The following MTOR variants were observed in gnomAD, a reference collection of about 807,000 sequenced individuals.
The protein encoded by MTOR is mechanistic target of rapamycin kinase, also known as serine/threonine-protein kinase mTOR.
In MTOR, 70 loss-of-function variants were observed where a neutral mutation model predicts 319.8. That is an observed-to-expected ratio of 0.22 (90% CI 0.18 to 0.27). The LOEUF is 0.27. Ranked by LOEUF, MTOR falls within the 10% of genes least tolerant of loss-of-function variation. MTOR has a pLI of 1.00. For missense variants in MTOR, 1,890 were observed against 3,274.4 expected, an observed-to-expected ratio of 0.58 and a Z score of 10.32; for synonymous variants, 1,183 against 1,211.4, an observed-to-expected ratio of 0.98 and a Z score of 0.49.
intron 1 of MTOR, among the ~76,000 whole-genome samples, chr1:11,262,197 T>C (rs1175894845): frequency 2.0e-5 from 3 of 152,066 alleles, no homozygotes; most frequent in East Asian, 1.9e-4. Flanking sequence ...CCAGAGCTGA[T>C]GGGCCGGCCT....
Position 11,155,632 on chromosome 1 carries a change from G to T in MTOR, c.4469+1520C>A, listed in dbSNP as rs185495926. On this transcript the variant is annotated intron_variant, in intron 30 of 57. Coordinates refer to ENST00000361445, the MANE Select transcript of MTOR (RefSeq NM_004958.4). The stretch of plus-strand genomic sequence containing the variant: ...AAGGCCTACTAAAATCCCCCATACT[G>T]TGCTCCTCATTGTACAGGTCCAAGT... Among the ~76,000 whole-genome samples the T allele has an allele frequency of 3.9e-5, 6 of 152,264 alleles. No homozygotes were observed. The East Asian group carries it at 9.6e-4, about 24-fold the overall frequency.
intron 19 of MTOR, among the ~76,000 whole-genome samples, chr1:11,227,611 T>G (rs555554427): frequency 6.6e-6 from 1 of 151,980 alleles, no homozygotes; most frequent in African/African-American, 2.4e-5. Context: ...GGACATATAA[T>G]CTTAGAACCA....
intron 29 of MTOR, among the ~76,000 whole-genome samples, chr1:11,159,637 G>A (rs1446219968): frequency 1.4e-5 from 2 of 145,856 alleles, no homozygotes; most frequent in South Asian, 2.3e-4. Context: ...GCAAAACTCC[G>A]TCTCAAAAAA....
intron 28 of MTOR, among the ~76,000 whole-genome samples, chr1:11,179,106 C>T (rs1021118906): frequency 6.6e-6 from 1 of 152,204 alleles, no homozygotes; most frequent in African/African-American, 2.4e-5. Context: ...TACCAGGATT[C>T]ACAGCCAGTG....
At chr1:11,126,597 G>C (rs765033075) in intron 46 of MTOR, 25 bp downstream of exon 46, 11 of 1,609,668 alleles carry the variant, frequency 6.8e-6, no homozygotes, top group Non-Finnish European at 9.3e-6. Flanking sequence ...AGAAGTGGGT[G>C]ACAGAAGTGC....
intron 30 of MTOR, among the ~76,000 whole-genome samples, 177 bp from the exon 31 acceptor site, chr1:11,150,403 C>G (rs1246639854): frequency 6.6e-6 from 1 of 152,134 alleles, no homozygotes; most frequent in Non-Finnish European, 1.5e-5. Context: ...GTTTCTATGA[C>G]CCGGTGCTCG....
rs184939544 is a variant in MTOR, at chr1:11,208,712, T to C, written c.3801+600A>G. Among the ~76,000 whole-genome samples the C allele has an allele frequency of 2.3e-3, 351 of 152,370 alleles. 3 individuals are homozygous for C. Among genetic ancestry groups the C allele is most frequent in the Non-Finnish European group, 3.8e-3 (261 of 68,038 alleles). ...TTGAAACTGCCTGTTTTTAGGTGGA[T>C]AGCTGATGGCATACATGGTGAAAAG... On this transcript the variant is annotated intron_variant, in intron 25 of 57. Transcript: ENST00000361445.
At chr1:11,192,930 C>T (rs750002254) in intron 28 of MTOR, among the ~76,000 whole-genome samples, 8 of 152,056 alleles carry the variant, frequency 5.3e-5, no homozygotes, top group Non-Finnish European at 7.4e-5. Flanking sequence ...TTATAACCAC[C>T]ACATAACTTA....
intron 39 of MTOR, 124 bp downstream of exon 39, chr1:11,130,405 A>G (rs1414505020): frequency 8.9e-6 from 13 of 1,457,810 alleles, no homozygotes; most frequent in Non-Finnish European, 1.8e-6. Context: ...GATAGGCAGT[A>G]TTTTCCAGCT....
Position 11,115,938 on chromosome 1 carries a change from C to T in MTOR, c.7017-470G>A, listed in dbSNP as rs1642142135. On this transcript the variant is annotated intron_variant, in intron 50 of 57. Transcript: ENST00000361445. The surrounding 1 kb of genome is among the most constrained non-coding windows in gnomAD (Gnocchi z 4.5). ...TTACTGAGCAGCCGTAACAGGGTCTCATCTCCTTAAGTCCCTGAGCCAATC... is the reference window on the plus strand; with the variant it reads ...TTACTGAGCAGCCGTAACAGGGTCTTATCTCCTTAAGTCCCTGAGCCAATC... 6.6e-6 allele frequency among the ~76,000 whole-genome samples: 1 copy of T among 152,230 alleles called. No individual in the cohort carries two copies. The highest frequency in any genetic ancestry group is 2.4e-5 in the African/African-American group (1 of 41,466).
intron 28 of MTOR, chr1:11,190,083 C>T: frequency 9.0e-7 from 1 of 1,109,766 alleles, no homozygotes; most frequent in African/African-American, 1.6e-5. Context: ...TTAGTAAAGG[C>T]TTATGCAGTA....
intron 34 of MTOR, 54 bp downstream of exon 34, chr1:11,144,594 G>T: frequency 6.6e-7 from 1 of 1,524,518 alleles, no homozygotes; most frequent in South Asian, 1.1e-5. Flanking sequence ...ACTCACCCAG[G>T]TCCTGGAAGG....
chr1:11,218,636 T>C (rs1226677974), intron 19 of MTOR, among the ~76,000 whole-genome samples: 1 of 152,080 alleles, frequency 6.6e-6, no homozygotes, highest in Non-Finnish European at 1.5e-5. Flanking sequence ...GCCATTTTAT[T>C]AGGCATGATT....
In MTOR at chr1:11,213,582, A is replaced by G; in HGVS notation, c.3118-16T>C. 1.2e-6 allele frequency: 2 copies of G among 1,611,652 alleles called. No homozygotes were observed. Among genetic ancestry groups the G allele is most frequent in the Non-Finnish European group, 1.7e-6 (2 of 1,178,784 alleles). ...CCCAGAATTCCTACAAAGAGAGAAAAGTCAGAGGAGCTGAGTCAGGTCCCT... is the reference window on the plus strand; with the variant it reads ...CCCAGAATTCCTACAAAGAGAGAAAGGTCAGAGGAGCTGAGTCAGGTCCCT... On this transcript the variant is annotated splice_polypyrimidine_tract_variant and intron_variant, in intron 20 of 57. Transcript: ENST00000361445.
intron 28 of MTOR, among the ~76,000 whole-genome samples, chr1:11,172,192 C>T (rs1022273048): frequency 2.7e-5 from 4 of 150,810 alleles, no homozygotes; most frequent in African/African-American, 9.9e-5. Flanking sequence ...TACCAGTGGC[C>T]ATTAAACTTG....
intron 28 of MTOR, among the ~76,000 whole-genome samples, chr1:11,190,539 T>C (rs1019538469): frequency 1.2e-4 from 19 of 152,316 alleles, no homozygotes; most frequent in African/African-American, 3.4e-4. Flanking sequence ...GGTTCCTCAA[T>C]TGTGATACGT....
intron 57 of MTOR, 107 bp downstream of exon 57, chr1:11,108,074 C>T (rs1641663785): frequency 1.3e-6 from 1 of 788,172 alleles, no homozygotes; most frequent in Non-Finnish European, 2.2e-6. Context: ...CTCTAACTGC[C>T]CTTTACAGAT....
At chr1:11,247,241 C>G (rs1648971940) in intron 8 of MTOR, among the ~76,000 whole-genome samples, 1 of 152,204 alleles carries the variant, frequency 6.6e-6, no homozygotes, top group Admixed American at 6.5e-5. Context: ...AGTGGTGAGG[C>G]AGCTTGGTGA....
At chr1:11,163,957 G>C (rs1644556928) in intron 29 of MTOR, among the ~76,000 whole-genome samples, 1 of 152,154 alleles carries the variant, frequency 6.6e-6, no homozygotes, top group Non-Finnish European at 1.5e-5. Context: ...AGGAGACAGA[G>C]ACACAAAAAA....
Sources: allele counts gnomAD v4.1 joint callset (sites outside exome capture counted in the v4.1 genomes callset), GRCh38; gene constraint gnomAD v4.1.1; non-coding constraint Gnocchi (gnomAD v3.1); transcripts MANE v1.5; gene names NCBI Gene and HGNC (gene_info 2026-07-23, HGNC 2026-07-21).